Variants in HAP1 observed in about 807,000 individuals in gnomAD.
HAP1 encodes huntingtin associated protein 1, also known as huntingtin-associated protein 1.
In HAP1, 59 loss-of-function variants were observed where a neutral mutation model predicts 60.3. The ratio of observed to expected loss-of-function variants is 0.98; its 90% CI spans 0.79 to 1.22. The LOEUF (loss-of-function observed/expected upper bound fraction) is 1.22, where lower values mean the gene tolerates loss of function less well. Ranked by LOEUF, HAP1 falls within the 50% of genes most tolerant of loss-of-function variation. HAP1 has a pLI of 0.00. For missense variants in HAP1, 825 were observed against 785.3 expected, an observed-to-expected ratio of 1.05 and a Z score of -0.60; for synonymous variants, 346 against 330.6, an observed-to-expected ratio of 1.05 and a Z score of -0.50.
rs1276673528 is a variant in HAP1 at position 41,727,050 on chromosome 17, C to T, written c.1367+3G>A. ...GGGGCAAGGGAGGGCCCCAGCCACG[C>T]ACCTCTCCATAAAATACACAGGGTC... On this transcript the variant is annotated splice_donor_region_variant and intron_variant, in intron 9 of 10. Coordinates refer to ENST00000347901, the MANE Select transcript of HAP1 (RefSeq NM_177977.3). The T allele has an allele frequency of 6.7e-7, 1 of 1,486,460 alleles. No individual in the cohort carries two copies. The highest frequency in any genetic ancestry group is 9.3e-7 in the Non-Finnish European group (1 of 1,078,716). The allele number at this position is 1,486,460 out of a possible 1,614,324, so 92.1% of individuals were successfully genotyped here.
At chr17:41,726,410 C>CA (rs58077555) in intron 9 of HAP1, among the ~76,000 whole-genome samples, 2 of 145,082 alleles carry the variant, frequency 1.4e-5, no homozygotes, top group Non-Finnish European at 1.5e-5. Flanking sequence ...TCTCAAAAAA[C>CA]AAAAAAAAAA....
downstream of HAP1, among the ~76,000 whole-genome samples, chr17:41,719,692 CA>C (rs71155162): frequency 0.83 from 118,077 of 142,970 alleles, 48,468 homozygotes; most frequent in Middle Eastern, 0.94. Flanking sequence ...GACTCTGTCT[CA>C]AAAAAAAAAA....
At chr17:41,718,946 A>C (rs782810976), downstream of HAP1, among the ~76,000 whole-genome samples, 2 of 152,150 alleles carry the variant, frequency 1.3e-5, no homozygotes, top group Non-Finnish European at 2.9e-5. Flanking sequence ...CTAAGTGTGC[A>C]CTTGTTGCAA....
At position 41,728,240 on chromosome 17, in the gene HAP1, C is replaced by A. The variant is rs1170473985; in HGVS notation, c.1161G>T (p.Leu387=). The A allele has an allele frequency of 1.9e-6, 3 of 1,613,148 alleles. No homozygotes were observed. The African/African-American group carries it at 4.0e-5, about 22-fold the overall frequency. The part of the protein sequence containing the change: ...YERQQQEVAR[L]QAQVLKLQQR... ...GCTGCAGCTTCAGCACCTGGGCCTG[C>A]AGCCGAGCGACCTCCTGCTGCTGCC... The change falls in exon 7 of 11, where the codon CTG becomes CTT. Residue 387 remains leucine (L), a synonymous_variant. Coordinates refer to ENST00000347901, the MANE Select transcript of HAP1 (RefSeq NM_177977.3).
intron 8 of HAP1, 190 bp downstream of exon 8, chr17:41,727,572 A>C (rs1911765950): frequency 1.5e-6 from 1 of 664,048 alleles, no homozygotes; most frequent in Non-Finnish European, 2.7e-6. Flanking sequence ...AGGTCCCTGC[A>C]CTCCACACCA....
At chr17:41,733,040 T>G (rs1216346386) in intron 1 of HAP1, among the ~76,000 whole-genome samples, 19 of 89,422 alleles carry the variant, frequency 2.1e-4, no homozygotes, top group African/African-American at 8.3e-4. Flanking sequence ...TTTTTTTGGT[T>G]TTTTTTTTTT....
rs199816051 is a variant in HAP1 at position 41,724,752 on chromosome 17, G to A, written c.1809C>T (p.His603=). The A allele has an allele frequency of 6.0e-5, 96 of 1,601,684 alleles. No homozygotes were observed. The African/African-American group carries it at 6.6e-4, about 11-fold the overall frequency. The stretch of plus-strand genomic sequence containing the variant: ...TCCGGCTGGCGGCAGGGAGGGCCCC[G>A]TGGGGGCACTCACCTTTCTGGAGCA... ...WKMLQKGECP[H]GALPAASRTS... The change falls in exon 11 of 11, where the codon CAC becomes CAT. Residue 603 remains histidine (H), a synonymous_variant. Transcript: ENST00000347901.
At chr17:41,729,581 G>GAAAAAAAAAAAA (rs1555590019) in intron 6 of HAP1, among the ~76,000 whole-genome samples, 14 of 90,344 alleles carry the variant, frequency 1.5e-4, no homozygotes, top group East Asian at 2.9e-4. Flanking sequence ...AAAAAAAAAG[G>GAAAAAAAAAAAA]AAATGCGGTC....
In HAP1 at chr17:41,728,207, G is replaced by T; in HGVS notation, c.1194C>A (p.Cys398Ter). ...QAQVLKLQQR[C>*]RMYGAETEKL... ...CCACACACACCCGACTCACCATCCG[G>T]CAGCGCTGCTGCAGCTTCAGCACCT... The change falls in exon 7 of 11, where the codon TGC (cysteine) becomes TGA (stop). Residue 398 changes from cysteine (C) to a stop codon, truncating the protein, a stop_gained. Coordinates refer to ENST00000347901, the MANE Select transcript of HAP1 (RefSeq NM_177977.3). LOFTEE classifies it high-confidence loss of function. 6.2e-7 allele frequency: 1 copy of T among 1,611,408 alleles called. No individual in the cohort carries two copies.
downstream of HAP1, chr17:41,717,871 C>T: frequency 2.4e-6 from 1 of 413,454 alleles, no homozygotes; most frequent in Non-Finnish European, 5.4e-6. Flanking sequence ...TAAATAATTG[C>T]TCATGAGTGG....
At chr17:41,728,362 G>C (rs781843000) in intron 6 of HAP1, 31 bp from the exon 7 acceptor site, 86 of 1,608,422 alleles carry the variant, frequency 5.3e-5, no homozygotes, top group Middle Eastern at 3.3e-4. Context: ...GTCAGCCCTG[G>C]CTCCCCTGGC....
At chr17:41,732,681 G>C in intron 2 of HAP1, 38 bp downstream of exon 2, 3 of 1,542,816 alleles carry the variant, frequency 1.9e-6, no homozygotes, top group Non-Finnish European at 1.8e-6. Context: ...GACAAAACTA[G>C]AATAAGGGCT....
rs370962745 is a variant in HAP1, at chr17:41,734,471, G to A, written c.164C>T (p.Thr55Ile). Reference sequence around the variant, plus strand: ...TTCCGAGAGGAACTGGGATCCAGAGGTGGCTCGGGATCCTACTCTCTGTCC... The same window carrying A: ...TTCCGAGAGGAACTGGGATCCAGAGATGGCTCGGGATCCTACTCTCTGTCC... ...GTGQRVGSRA[T>I]SGSQFLSEAR... is the part of the protein sequence containing the mutation. The change falls in exon 1 of 11, where the codon ACC becomes ATC. Residue 55 changes from threonine (T) to isoleucine (I), a missense_variant. Physicochemically the swap from Thr to Ile is moderately conservative, Grantham distance 89 (BLOSUM62 -1). Coordinates refer to ENST00000347901, the MANE Select transcript of HAP1 (RefSeq NM_177977.3). 24 of 1,611,662 alleles carry A rather than the reference G, an allele frequency of 1.5e-5. No homozygotes were observed. The highest frequency in any genetic ancestry group is 1.8e-5 in the Non-Finnish European group (21 of 1,179,120).
intron 6 of HAP1, among the ~76,000 whole-genome samples, chr17:41,729,005 G>A (rs1911906999): frequency 6.6e-6 from 1 of 152,022 alleles, no homozygotes; most frequent in Admixed American, 6.6e-5. Context: ...GTGCAATAGT[G>A]CAATCTTGGC....
At chr17:41,725,798 G>A (rs976939076) in intron 10 of HAP1, 61 bp downstream of exon 10, 4 of 1,282,438 alleles carry the variant, frequency 3.1e-6, no homozygotes, top group Non-Finnish European at 3.4e-6. Context: ...CCAGAGGCAG[G>A]TGGGCTGTCT....
intron 4 of HAP1, 72 bp downstream of exon 4, chr17:41,731,865 T>C: frequency 1.2e-6 from 1 of 818,656 alleles, no homozygotes; most frequent in Non-Finnish European, 2.1e-6. Context: ...GCACATCACC[T>C]GTGTCCCTCT....
downstream of HAP1, chr17:41,721,287 T>C (rs4796599): frequency 0.86 from 130,847 of 152,554 alleles, 56,189 homozygotes; most frequent in Middle Eastern, 0.93. Context: ...CAGTCCCATT[T>C]GCGGGTCCCC....
rs782256346 is a variant in HAP1, at chr17:41,734,596, G to A, written c.39C>T (p.Ser13=). 7 of 1,572,828 alleles carry A rather than the reference G, an allele frequency of 4.5e-6. No homozygotes were observed. The South Asian group carries it at 4.5e-5, about 10-fold the overall frequency. The stretch of plus-strand genomic sequence containing the variant: ...CTGCTGGGTCCCCGGGTCCGAGCCG[G>A]CTCCCCGCGCAGCACCGGCCCAACC... ...PKRLGRCCAG[S]RLGPGDPAAL... is the part of the protein sequence containing the mutation. The change falls in exon 1 of 11, where the codon AGC becomes AGT. Residue 13 remains serine, a synonymous_variant. Coordinates refer to ENST00000347901, the MANE Select transcript of HAP1 (RefSeq NM_177977.3).
chr17:41,727,659 C>A, intron 8 of HAP1, 103 bp downstream of exon 8: 1 of 725,634 alleles, frequency 1.4e-6, no homozygotes. Context: ...GACTCAGTTC[C>A]TGCTAGTCCT....
Sources: allele counts gnomAD v4.1 joint callset (sites outside exome capture counted in the v4.1 genomes callset), GRCh38; gene constraint gnomAD v4.1.1; transcripts MANE v1.5; gene names NCBI Gene and HGNC (gene_info 2026-07-23, HGNC 2026-07-21).